The following CLNK variants were observed in gnomAD, a reference collection of about 807,000 sequenced individuals.
CLNK encodes cytokine-dependent hematopoietic cell linker.
Under a neutral mutation model 68.6 loss-of-function variants are expected in CLNK, and 74 were observed. That is an observed-to-expected ratio of 1.08 (90% CI 0.89 to 1.31). The LOEUF is 1.31. Among genes scored for constraint, CLNK ranks in the 50% most tolerant of loss-of-function variants. The probability of loss-of-function intolerance (pLI) is 0.00; values close to 1 mark genes in which losing one functional copy is unlikely to be tolerated. For synonymous variants in CLNK, 198 were observed against 172.2 expected (o/e 1.15, Z -1.17); for missense variants, 553 against 515.3 (o/e 1.07, Z -0.71).
At chr4:10,697,061 C>T in the CLNK span, 1 of 152,204 alleles carries the variant, frequency 6.6e-6, no homozygotes, top group Non-Finnish European at 1.5e-5. Context: ...ATTGAAAGAT[C>T]TCCAGCTATG....
At chr4:10,628,948 A>C (rs1722782377) in intron 2 of CLNK, among the ~76,000 whole-genome samples, 1 of 152,184 alleles carries the variant, frequency 6.6e-6, no homozygotes, top group South Asian at 2.1e-4. Context: ...TTTTGTCACA[A>C]ACCATTGTCT....
intron 4 of CLNK, among the ~76,000 whole-genome samples, chr4:10,573,574 G>C (rs146976507): frequency 1.4e-3 from 213 of 152,298 alleles, no homozygotes; most frequent in Non-Finnish European, 2.6e-3. Context: ...ACCCATTAAA[G>C]ACCAGCTGGC....
chr4:10,664,998 G>A (rs1411275247), intron 2 of CLNK, among the ~76,000 whole-genome samples: 1 of 152,222 alleles, frequency 6.6e-6, no homozygotes, highest in African/African-American at 2.4e-5. Flanking sequence ...GTGAAGAAGA[G>A]TTTGGGACTA....
intron 16 of CLNK, among the ~76,000 whole-genome samples, chr4:10,512,215 A>C (rs1717617954): frequency 6.6e-6 from 1 of 152,054 alleles, no homozygotes; most frequent in Admixed American, 6.6e-5. Context: ...GACAAGGGAC[A>C]ATAAAAGAAG....
At chr4:10,732,880 C>T in the CLNK span, among the ~76,000 whole-genome samples, 1 of 152,014 alleles carries the variant, frequency 6.6e-6, no homozygotes, top group African/African-American at 2.4e-5. Context: ...ATATTTTTGC[C>T]AACATGATCC....
In CLNK at chr4:10,522,887, T is replaced by C. The variant is rs372494523; in HGVS notation, c.732-2056A>G. ...GAGAAAGATGAACCGAGCTGACCCC[T>C]GAAGCATGAATAGGAGTAAGGGTGT... On this transcript the variant is annotated intron_variant, in intron 14 of 18. Coordinates refer to ENST00000226951, the MANE Select transcript of CLNK (RefSeq NM_052964.4). 2.0e-4 allele frequency among the ~76,000 whole-genome samples: 31 copies of C among 152,310 alleles called. No individual in the cohort carries two copies. The East Asian group carries it at 4.0e-3, about 20-fold the overall frequency.
intron 1 of CLNK, among the ~76,000 whole-genome samples, chr4:10,668,519 G>A (rs1165619916): frequency 2.0e-5 from 3 of 152,254 alleles, no homozygotes; most frequent in Admixed American, 6.5e-5. Context: ...TATCAGCTGA[G>A]GTTCCAGCAA....
the CLNK span, among the ~76,000 whole-genome samples, chr4:10,693,517 T>C: frequency 6.6e-6 from 1 of 152,174 alleles, no homozygotes; most frequent in Non-Finnish European, 1.5e-5. Flanking sequence ...TGCCAGAAGC[T>C]GAAAGGGGCA....
intron 2 of CLNK, among the ~76,000 whole-genome samples, chr4:10,658,836 G>A (rs1197158268): frequency 6.6e-6 from 1 of 152,216 alleles, no homozygotes; most frequent in Non-Finnish European, 1.5e-5. Flanking sequence ...CCCTTGAATG[G>A]GAAGTGTCAG....
At chr4:10,492,093 C>G (rs1462323547) in intron 18 of CLNK, among the ~76,000 whole-genome samples, 2 of 152,122 alleles carry the variant, frequency 1.3e-5, no homozygotes, top group African/African-American at 2.4e-5. Context: ...CCTTAGCAAG[C>G]CTGTGAGGTG....
intron 8 of CLNK, 138 bp downstream of exon 8, chr4:10,558,269 G>A (rs991908248): frequency 2.7e-5 from 18 of 678,152 alleles, no homozygotes; most frequent in Non-Finnish European, 4.2e-5. Flanking sequence ...AAATTAGATA[G>A]TTATTTCCTG....
At chr4:10,649,821 C>A (rs1311099102) in intron 2 of CLNK, among the ~76,000 whole-genome samples, 2 of 151,956 alleles carry the variant, frequency 1.3e-5, no homozygotes, top group Admixed American at 1.3e-4. Context: ...ACAATTTCAA[C>A]CCAGGCCTCA....
At chr4:10,701,606 G>T in the CLNK span, among the ~76,000 whole-genome samples, 1 of 152,202 alleles carries the variant, frequency 6.6e-6, no homozygotes, top group Non-Finnish European at 1.5e-5. Flanking sequence ...CTGATAATAT[G>T]CAGGAACTGA....
At chr4:10,730,892 C>CA in the CLNK span, among the ~76,000 whole-genome samples, 1 of 152,300 alleles carries the variant, frequency 6.6e-6, no homozygotes, top group East Asian at 1.9e-4. Context: ...AATTTACACT[C>CA]ACATGCACAC....
intron 2 of CLNK, among the ~76,000 whole-genome samples, chr4:10,608,535 A>G (rs936297849): frequency 6.6e-6 from 1 of 152,178 alleles, no homozygotes; most frequent in Admixed American, 6.5e-5. Flanking sequence ...CTGAGCCCCC[A>G]GCTTCGTCTC....
intron 5 of CLNK, among the ~76,000 whole-genome samples, chr4:10,569,514 G>A (rs1330274655): frequency 6.6e-6 from 1 of 152,142 alleles, no homozygotes; most frequent in East Asian, 1.9e-4. Context: ...AGAGTCATGA[G>A]AAAATAAACC....
At chr4:10,645,725 C>T (rs970875939) in intron 2 of CLNK, among the ~76,000 whole-genome samples, 1 of 151,910 alleles carries the variant, frequency 6.6e-6, no homozygotes, top group Non-Finnish European at 1.5e-5. Flanking sequence ...TTAATGGGTA[C>T]AAAAATACAG....
intron 8 of CLNK, among the ~76,000 whole-genome samples, chr4:10,550,040 C>G (rs1434165837): frequency 6.6e-6 from 1 of 152,172 alleles, no homozygotes; most frequent in East Asian, 1.9e-4. Flanking sequence ...AAGACATTGT[C>G]AATATCACCG....
chr4:10,599,965 A>C (rs564867610), intron 2 of CLNK, among the ~76,000 whole-genome samples: 1 of 152,198 alleles, frequency 6.6e-6, no homozygotes, highest in Non-Finnish European at 1.5e-5. Context: ...GAATATTATC[A>C]AGTCACCTCC....
Sources: gnomAD v4.1 joint callset for allele counts (sites outside exome capture counted in the v4.1 genomes callset) on GRCh38, gnomAD v4.1.1 for gene constraint, MANE v1.5 for transcripts, NCBI Gene and HGNC (gene_info 2026-07-23, HGNC 2026-07-21) for gene names.